ADAM22: variants seen among roughly 807,000 people sequenced by gnomAD.
ADAM22 encodes ADAM metallopeptidase domain 22, also known as disintegrin and metalloproteinase domain-containing protein 22.
A neutral mutation model predicts 144.6 loss-of-function variants in ADAM22; 65 were observed. That is an observed-to-expected ratio of 0.45 (90% CI 0.37 to 0.55). The LOEUF (loss-of-function observed/expected upper bound fraction) is 0.55, where lower values mean the gene tolerates loss of function less well. Ranked by LOEUF, ADAM22 falls within the 20% of genes least tolerant of loss-of-function variation. The probability of loss-of-function intolerance (pLI) is 0.00; values close to 1 mark genes in which losing one functional copy is unlikely to be tolerated. For missense variants in ADAM22, 974 were observed against 1,184.9 expected (o/e 0.82, Z 2.61); for synonymous variants, 391 against 412.6 (o/e 0.95, Z 0.63).
chr7:87,955,866 C>T (rs1846572596), intron 2 of ADAM22, among the ~76,000 whole-genome samples: 1 of 152,214 alleles, frequency 6.6e-6, no homozygotes, highest in Non-Finnish European at 1.5e-5. Context: ...TGCTGCCTTG[C>T]AGTTTGATCT....
intron 3 of ADAM22, among the ~76,000 whole-genome samples, chr7:88,016,783 A>C (rs1796630167): frequency 6.6e-6 from 1 of 152,182 alleles, no homozygotes; most frequent in African/African-American, 2.4e-5. Flanking sequence ...TGAGAAAGGT[A>C]GTGGGAAGGG....
intron 3 of ADAM22, among the ~76,000 whole-genome samples, chr7:88,055,667 C>T (rs549267083): frequency 1.3e-5 from 2 of 152,270 alleles, no homozygotes; most frequent in South Asian, 4.2e-4. Context: ...GAAGATAACT[C>T]GGTCCTTCTC....
chr7:88,029,388 T>G (rs1799728701), intron 3 of ADAM22, among the ~76,000 whole-genome samples: 1 of 152,142 alleles, frequency 6.6e-6, no homozygotes, highest in Non-Finnish European at 1.5e-5. Context: ...TGTCCACCCT[T>G]TTTAACTTTT....
Position 88,201,858 on chromosome 7 carries a change from T to C in ADAM22, c.*5367T>C, listed in dbSNP as rs1851227951. On this transcript the variant is annotated 3_prime_UTR_variant, in exon 32 of 32. Transcript: ENST00000413139. ...TTTATGAAGAAAAGGTATTTTCCTT[T>C]CTTGTAAAAAATGTTATATATATAT... 1 of 152,220 alleles carries C rather than the reference T, an allele frequency of 6.6e-6. No homozygotes were observed. The highest frequency in any genetic ancestry group is 1.5e-5 in the Non-Finnish European group (1 of 68,042). The allele number at this position is 152,220 out of a possible 1,614,324, so 9.4% of individuals were successfully genotyped here. A position where few individuals can be genotyped will look rare whatever the true frequency, so the allele number is the denominator to read the frequency against.
At chr7:88,163,832 T>A (rs538962086) in intron 23 of ADAM22, among the ~76,000 whole-genome samples, 4 of 152,246 alleles carry the variant, frequency 2.6e-5, no homozygotes, top group Non-Finnish European at 4.4e-5. Context: ...TTTGTCAGTT[T>A]CAATTAGGAA....
At chr7:88,162,179 C>CA (rs1841880527) in intron 22 of ADAM22, among the ~76,000 whole-genome samples, 2 of 150,752 alleles carry the variant, frequency 1.3e-5, no homozygotes, top group Admixed American at 1.3e-4. Flanking sequence ...TCATGTCCTT[C>CA]ACAGGGACAT....
chr7:88,130,530 A>C (rs186850788), intron 10 of ADAM22, 71 bp downstream of exon 10: 836 of 1,452,242 alleles, frequency 5.8e-4, no homozygotes, highest in Non-Finnish European at 6.9e-4. Flanking sequence ...AATGGATAAT[A>C]TGATTCTTAT....
intron 3 of ADAM22, among the ~76,000 whole-genome samples, chr7:87,997,203 C>A (rs893953518): frequency 3.9e-5 from 6 of 152,112 alleles, no homozygotes; most frequent in Non-Finnish European, 8.8e-5. Context: ...AACCTACTGA[C>A]CATATTTAAA....
rs78548589 is a variant in ADAM22, at chr7:88,063,871, C to G, written c.324-11755C>G. Among the ~76,000 whole-genome samples, 23 of 152,280 alleles carry G rather than the reference C, an allele frequency of 1.5e-4. No individual in the cohort carries two copies. In the East Asian group the frequency reaches 4.2e-3, roughly 28 times the overall value. ...CCAAACCATCAATCAAAGATGAGTT[C>G]TCAGAAAATATATGTGCAAGATTTA... is the stretch of plus-strand genomic sequence containing the variant. On this transcript the variant is annotated intron_variant, in intron 3 of 31. Transcript: ENST00000413139.
At chr7:88,148,280 G>A (rs1360921346) in intron 17 of ADAM22, among the ~76,000 whole-genome samples, 1 of 152,040 alleles carries the variant, frequency 6.6e-6, no homozygotes, top group South Asian at 2.1e-4. Context: ...AGAAGGGAAG[G>A]GGAAGTACTT....
In ADAM22 at chr7:88,201,776, A is replaced by G. The variant is rs1190900850; in HGVS notation, c.*5285A>G. On this transcript the variant is annotated 3_prime_UTR_variant, in exon 32 of 32. Coordinates refer to ENST00000413139, the MANE Select transcript of ADAM22 (RefSeq NM_001324418.2). ...GTTTTGTTTTACAAAAAGGCATACA[A>G]TGAGACGAATTCTTAAGATAATGCA... The G allele has an allele frequency of 1.3e-5, 2 of 152,254 alleles. No individual in the cohort carries two copies. Among genetic ancestry groups the G allele is most frequent in the Non-Finnish European group, 2.9e-5 (2 of 68,046 alleles). The allele number at this position is 152,254 out of a possible 1,614,324, so 9.4% of individuals were successfully genotyped here.
chr7:87,982,044 C>CATATATATAT (rs57982467), intron 3 of ADAM22, among the ~76,000 whole-genome samples: 1 of 113,176 alleles, frequency 8.8e-6, no homozygotes, highest in African/African-American at 3.4e-5. Context: ...ATGTTTATTT[C>CATATATATAT]ATATATATAT....
At chr7:88,032,394 C>T (rs949010705) in intron 3 of ADAM22, among the ~76,000 whole-genome samples, 1 of 152,160 alleles carries the variant, frequency 6.6e-6, no homozygotes, top group African/African-American at 2.4e-5. Flanking sequence ...GGCTTGTAGC[C>T]CCTTGGTTTT....
chr7:88,044,413 G>C (rs181637508), intron 3 of ADAM22, among the ~76,000 whole-genome samples: 7 of 152,086 alleles, frequency 4.6e-5, no homozygotes, highest in African/African-American at 9.7e-5. Context: ...AAAGCTCCTC[G>C]ATTTGGAGAA....
chr7:88,202,642 T>G lies in ADAM22; in HGVS notation c.*6151T>G, dbSNP rs1851279953. On this transcript the variant is annotated 3_prime_UTR_variant, in exon 32 of 32. Coordinates refer to ENST00000413139, the MANE Select transcript of ADAM22 (RefSeq NM_001324418.2). ...GTTATGGCAAACACCAATGGAAATG[T>G]ATATGGCAACTGCTTTCCTGAGCAA... The G allele has an allele frequency of 6.6e-6, 1 of 152,222 alleles. No homozygotes were observed. Among genetic ancestry groups the G allele is most frequent in the Admixed American group, 6.5e-5 (1 of 15,282 alleles). 9.4% of individuals were successfully genotyped at this position (152,222 alleles called of 1,614,324 possible). A position where few individuals can be genotyped will look rare whatever the true frequency, so the allele number is the denominator to read the frequency against.
chr7:88,100,372 A>G (rs975248708), intron 4 of ADAM22, among the ~76,000 whole-genome samples: 2 of 152,186 alleles, frequency 1.3e-5, no homozygotes, highest in Admixed American at 1.3e-4. Context: ...AGATTCATGG[A>G]TTATTGGCAT....
chr7:87,999,678 T>G (rs144197704), intron 3 of ADAM22, among the ~76,000 whole-genome samples: 112 of 152,368 alleles, frequency 7.4e-4, no homozygotes, highest in African/African-American at 2.4e-3. Flanking sequence ...TATTCTGTTA[T>G]CAGAATTGAT....
At chr7:88,156,893 GA>G (rs1282878236) in intron 22 of ADAM22, among the ~76,000 whole-genome samples, 2 of 148,656 alleles carry the variant, frequency 1.3e-5, no homozygotes, top group Non-Finnish European at 3.0e-5. Flanking sequence ...TCAGAGATGT[GA>G]AAAAAAGTCT....
intron 3 of ADAM22, among the ~76,000 whole-genome samples, chr7:88,027,585 T>G (rs896413078): frequency 6.6e-6 from 1 of 151,734 alleles, no homozygotes; most frequent in Non-Finnish European, 1.5e-5. Context: ...CTCTTTTCTC[T>G]TTTTTTTCCC....
Sources: gnomAD v4.1 joint callset for allele counts (sites outside exome capture counted in the v4.1 genomes callset) on GRCh38, gnomAD v4.1.1 for gene constraint, MANE v1.5 for transcripts, NCBI Gene and HGNC (gene_info 2026-07-23, HGNC 2026-07-21) for gene names.